The following CACNB1 variants were observed in gnomAD, a reference collection of about 807,000 sequenced individuals.
The protein encoded by CACNB1 is voltage-dependent L-type calcium channel subunit beta-1.
In CACNB1, 29 loss-of-function variants were observed where a neutral mutation model predicts 71.6. The ratio of observed to expected loss-of-function variants is 0.40; its 90% CI spans 0.30 to 0.55. The LOEUF (loss-of-function observed/expected upper bound fraction) is 0.55, where lower values mean the gene tolerates loss of function less well. Among genes scored for constraint, CACNB1 ranks in the 20% least tolerant of loss-of-function variants. CACNB1 has a pLI of 0.38. For synonymous variants in CACNB1, 300 were observed against 319.6 expected, an observed-to-expected ratio of 0.94 and a Z score of 0.65; for missense variants, 623 against 801.8, an observed-to-expected ratio of 0.78 and a Z score of 2.69.
At position 39,186,112 on chromosome 17, in the gene CACNB1, G is replaced by C; in HGVS notation, c.628+384C>G. 2 of 1,612,420 alleles carry C rather than the reference G, an allele frequency of 1.2e-6. No individual in the cohort carries two copies. The highest frequency in any genetic ancestry group is 1.7e-6 in the Non-Finnish European group (2 of 1,178,892). ...AGTTAGTCATTTCATTACCTGGACC[G>C]GAGAGTCAGGAGAGAGGGAGGAGGG... On this transcript the variant is annotated intron_variant, in intron 6 of 13. Coordinates refer to ENST00000394303, the MANE Select transcript of CACNB1 (RefSeq NM_000723.5). The surrounding 1 kb of genome is among the most constrained non-coding windows in gnomAD (Gnocchi z 4.1).
chr17:39,177,247 A>G, intron 13 of CACNB1, 103 bp downstream of exon 13: 1 of 1,592,072 alleles, frequency 6.3e-7, no homozygotes, highest in Non-Finnish European at 8.6e-7. Context: ...GGCGCCCACT[A>G]CATGGCATGT....
intron 2 of CACNB1, chr17:39,192,646 G>A (rs2046107625): frequency 6.6e-6 from 1 of 152,634 alleles, no homozygotes; most frequent in Non-Finnish European, 1.5e-5. Flanking sequence ...GGCATAGGAG[G>A]TTATGTGGCA....
Position 39,184,875 on chromosome 17 carries a change from A to G in CACNB1, c.649-11T>C, listed in dbSNP as rs779856677. The stretch of plus-strand genomic sequence containing the variant: ...GGGCACATGCTCTGTCTGGGGGGGG[A>G]AGCAGGGAGGGGAAACCCCAGAGTG... On this transcript the variant is annotated splice_polypyrimidine_tract_variant and intron_variant, in intron 7 of 13. Coordinates refer to ENST00000394303, the MANE Select transcript of CACNB1 (RefSeq NM_000723.5). 12 of 1,514,838 alleles carry G rather than the reference A, an allele frequency of 7.9e-6. No homozygotes were observed. The highest frequency in any genetic ancestry group is 2.3e-5 in the East Asian group (1 of 44,360). The allele number at this position is 1,514,838 out of a possible 1,614,324, so 93.8% of individuals were successfully genotyped here.
chr17:39,196,855 G>A (rs931409508), intron 1 of CACNB1, among the ~76,000 whole-genome samples: 33 of 152,060 alleles, frequency 2.2e-4, no homozygotes, highest in Admixed American at 2.2e-3. Flanking sequence ...TAGAGATGGA[G>A]CCCAGGTGGC....
At chr17:39,185,888 T>C in intron 6 of CACNB1, 1 of 1,549,502 alleles carries the variant, frequency 6.5e-7, no homozygotes. Context: ...ACAGCCCCCT[T>C]CCCTCCACCA....
intron 8 of CACNB1, 79 bp downstream of exon 8, chr17:39,184,705 G>A (rs927620405): frequency 2.9e-6 from 3 of 1,029,910 alleles, no homozygotes; most frequent in Admixed American, 1.7e-5. Context: ...TTGGGATCGG[G>A]CCCTTCTAGG....
chr17:39,174,905 A>C lies in CACNB1; in HGVS notation c.*288T>G. 2.3e-6 allele frequency: 1 copy of C among 425,746 alleles called. No homozygotes were observed. The highest frequency in any genetic ancestry group is 4.2e-6 in the Non-Finnish European group (1 of 236,868). 26.4% of individuals were successfully genotyped at this position (425,746 alleles called of 1,614,324 possible). A position where few individuals can be genotyped will look rare whatever the true frequency, so the allele number is the denominator to read the frequency against. On this transcript the variant is annotated 3_prime_UTR_variant, in exon 14 of 14. Coordinates refer to ENST00000394303, the MANE Select transcript of CACNB1 (RefSeq NM_000723.5). ...AGTTAAGGAAGTGCACCTTTTCTCT[A>C]GGAGGGTGAGGGAGGAGAGCCCCTT...
rs768592742 is a variant in CACNB1 at position 39,177,383 on chromosome 17, C to T, written c.1299G>A (p.Leu433=). 1 of 1,613,194 alleles carries T rather than the reference C, an allele frequency of 6.2e-7. No homozygotes were observed. Among genetic ancestry groups the T allele is most frequent in the East Asian group, 2.2e-5 (1 of 44,856 alleles). ...LLNRTMATAA[L]AASPAPVSNL... is the part of the protein sequence containing the mutation. The stretch of plus-strand genomic sequence containing the variant: ...TGGAGACAGGGGCAGGGCTGGCAGC[C>T]AGGGCTGCGGTAGCCATGGTGCGGT... Residue 433 remains leucine (L), a synonymous_variant, in exon 13 of 14, where the codon CTG becomes CTA. Transcript: ENST00000394303.
rs1464031145 is a variant in CACNB1 at position 39,194,219 on chromosome 17, G to C, written c.171+665C>G. ...TCTCAGTCCCTCACCCTGAGCCTAA[G>C]ATGGCCCAGGGTTGACAGATGAGAG... is the stretch of plus-strand genomic sequence containing the variant. On this transcript the variant is annotated intron_variant, in intron 2 of 13. Coordinates refer to ENST00000394303, the MANE Select transcript of CACNB1 (RefSeq NM_000723.5). The surrounding 1 kb of genome is among the most constrained non-coding windows in gnomAD (Gnocchi z 4.6). Among the ~76,000 whole-genome samples, 1 of 152,152 alleles carries C rather than the reference G, an allele frequency of 6.6e-6. No individual in the cohort carries two copies. The highest frequency in any genetic ancestry group is 1.5e-5 in the Non-Finnish European group (1 of 68,022).
At chr17:39,181,408 T>G (rs904747633) in intron 11 of CACNB1, among the ~76,000 whole-genome samples, 1 of 152,144 alleles carries the variant, frequency 6.6e-6, no homozygotes, top group Non-Finnish European at 1.5e-5. Flanking sequence ...ACCAAGCATT[T>G]TTCATGGTTA....
chr17:39,177,590 G>T, intron 12 of CACNB1, 55 bp from the exon 13 acceptor site: 2 of 1,439,224 alleles, frequency 1.4e-6, no homozygotes, highest in Non-Finnish European at 1.9e-6. Flanking sequence ...TGGCCAAGGG[G>T]GTTGAGGGTG....
intron 2 of CACNB1, chr17:39,193,396 C>A: frequency 2.4e-6 from 1 of 414,862 alleles, no homozygotes; most frequent in South Asian, 1.7e-5. Context: ...CCTCCGTCAG[C>A]TTTCCTGAGA....
chr17:39,176,219 A>G (rs1315419275), intron 13 of CACNB1, among the ~76,000 whole-genome samples: 5 of 152,080 alleles, frequency 3.3e-5, no homozygotes. Context: ...CCCAACAAGC[A>G]CTCAAAGCAG....
rs1199971899 is a variant in CACNB1 at position 39,183,829 on chromosome 17, G to C, written c.934C>G (p.Leu312Val). The C allele has an allele frequency of 1.2e-6, 2 of 1,613,860 alleles. No individual in the cohort carries two copies. The highest frequency in any genetic ancestry group is 1.7e-6 in the Non-Finnish European group (2 of 1,179,886). ...VQSEIERIFELARTLQLVALD... is the reference protein window; with the variant it reads ...VQSEIERIFEVARTLQLVALD... ...GCGACCAACTGAAGGGTCCGGGCCA[G>C]CTCGAAGATTCGCTCGATTTCACTC... Residue 312 changes from leucine (L) to valine (V), a missense_variant, in exon 11 of 14, where the codon CTG becomes GTG. Leu to Val is a conservative substitution (Grantham distance 32). Transcript: ENST00000394303.
Position 39,175,366 on chromosome 17 carries a change from G to A in CACNB1, c.1624C>T (p.Pro542Ser). ...LGDPAGGGTP[P>S]ARQGSWEDEE... ...TCCTCCCAGGATCCCTGTCGGGCTG[G>A]GGGCGTGCCGCCCCCTGCAGGGTCT... Residue 542 changes from proline to serine, a missense_variant, in exon 14 of 14, where the codon CCA becomes TCA. Physicochemically the swap from Pro to Ser is moderately conservative, Grantham distance 74. Transcript: ENST00000394303. The surrounding 1 kb of genome is among the most constrained non-coding windows in gnomAD (Gnocchi z 4.7). 1 of 1,614,172 alleles carries A rather than the reference G, an allele frequency of 6.2e-7. No individual in the cohort carries two copies. Among genetic ancestry groups the A allele is most frequent in the Non-Finnish European group, 8.5e-7 (1 of 1,180,046 alleles).
intron 11 of CACNB1, among the ~76,000 whole-genome samples, chr17:39,179,349 G>A (rs1349276286): frequency 6.6e-6 from 1 of 151,518 alleles, no homozygotes; most frequent in Admixed American, 6.6e-5. Flanking sequence ...AGCACTTTGG[G>A]AGGCCAAGGT....
intron 6 of CACNB1, among the ~76,000 whole-genome samples, chr17:39,185,400 T>C (rs1240203503): frequency 6.6e-6 from 1 of 151,990 alleles, no homozygotes; most frequent in South Asian, 2.1e-4. Flanking sequence ...GTCCAGTGGA[T>C]GTGGGAATAT....
rs1395388803 is a variant in CACNB1, at chr17:39,177,390, G to A, written c.1292C>T (p.Ala431Val). The change falls in exon 13 of 14, where the codon GCA becomes GTA. Residue 431 changes from alanine (A) to valine (V), a missense_variant. By Grantham distance (64) the Ala-to-Val change is moderately conservative. Transcript: ENST00000394303. Reference sequence around the variant, plus strand: ...AGGGGCAGGGCTGGCAGCCAGGGCTGCGGTAGCCATGGTGCGGTTCAGCAG... The same window carrying A: ...AGGGGCAGGGCTGGCAGCCAGGGCTACGGTAGCCATGGTGCGGTTCAGCAG... ...NPLLNRTMAT[A>V]ALAASPAPVS... is the part of the protein sequence containing the mutation. 1.2e-6 allele frequency: 2 copies of A among 1,613,248 alleles called. No homozygotes were observed. The highest frequency in any genetic ancestry group is 8.5e-7 in the Non-Finnish European group (1 of 1,179,828).
At chr17:39,182,557 C>T (rs200608690) in intron 11 of CACNB1, among the ~76,000 whole-genome samples, 4 of 150,992 alleles carry the variant, frequency 2.6e-5, no homozygotes, top group Admixed American at 6.6e-5. Context: ...AAAAATTAGC[C>T]GGGCCGTGGT....
Sources: gnomAD v4.1 joint callset for allele counts (sites outside exome capture counted in the v4.1 genomes callset) on GRCh38, gnomAD v4.1.1 for gene constraint, Gnocchi (gnomAD v3.1) non-coding constraint, MANE v1.5 for transcripts, NCBI Gene and HGNC (gene_info 2026-07-23, HGNC 2026-07-21) for gene names.